RPS6KA2: variants seen among roughly 807,000 people sequenced by gnomAD.
RPS6KA2 encodes the protein ribosomal protein S6 kinase A2.
In RPS6KA2, 42 loss-of-function variants were observed where a neutral mutation model predicts 91.8. The observed-to-expected ratio is 0.46, with a 90% CI of 0.36 to 0.59. RPS6KA2 has a LOEUF of 0.59. Ranked by LOEUF, RPS6KA2 falls within the 20% of genes least tolerant of loss-of-function variation. The probability of loss-of-function intolerance (pLI) is 0.00; values close to 1 mark genes in which losing one functional copy is unlikely to be tolerated. For missense variants in RPS6KA2, 798 were observed against 978.5 expected, an observed-to-expected ratio of 0.82 and a Z score of 2.46; for synonymous variants, 414 against 393.6, an observed-to-expected ratio of 1.05 and a Z score of -0.61.
At chr6:166,837,511 C>A (rs1427820135) in intron 2 of RPS6KA2, among the ~76,000 whole-genome samples, 1 of 152,226 alleles carries the variant, frequency 6.6e-6, no homozygotes, top group Non-Finnish European at 1.5e-5. Flanking sequence ...TGTCTGTCCA[C>A]CTGAGGGCTC....
At chr6:166,833,532 T>C (rs1780239108) in intron 2 of RPS6KA2, among the ~76,000 whole-genome samples, 2 of 152,192 alleles carry the variant, frequency 1.3e-5, no homozygotes. Context: ...CCCTAAACGC[T>C]TCCCTCATGT....
chr6:166,562,832 T>A (rs972219557), intron 1 of RPS6KA2, among the ~76,000 whole-genome samples: 43 of 152,308 alleles, frequency 2.8e-4, no homozygotes, highest in African/African-American at 9.9e-4. Flanking sequence ...GGCTGGGGGC[T>A]TTGCAGACGA....
Position 166,726,431 on chromosome 6 carries a change from C to T in RPS6KA2, c.123+131769G>A, listed in dbSNP as rs1425262624. 6.6e-6 allele frequency among the ~76,000 whole-genome samples: 1 copy of T among 152,210 alleles called. No homozygotes were observed. The highest frequency in any genetic ancestry group is 2.4e-5 in the African/African-American group (1 of 41,442). On this transcript the variant is annotated intron_variant, in intron 2 of 21. Transcript: ENST00000503859. This position sits in a 1 kb window ranked among gnomAD's most constrained non-coding sequence, Gnocchi z 4.4. The stretch of plus-strand genomic sequence containing the variant: ...CACTTAGCAAACTCTTAGTCACCTC[C>T]CGAGAGCCCAGACCCTGTAGCAGAG...
At chr6:166,504,812 A>G (rs1008683825) in intron 5 of RPS6KA2, among the ~76,000 whole-genome samples, 200 bp from the exon 6 acceptor site, 1 of 152,078 alleles carries the variant, frequency 6.6e-6, no homozygotes. Context: ...AGATCAGTGG[A>G]TGGAGACGAG....
intron 2 of RPS6KA2, among the ~76,000 whole-genome samples, chr6:166,654,803 C>A (rs887097436): frequency 6.6e-6 from 1 of 152,144 alleles, no homozygotes; most frequent in Non-Finnish European, 1.5e-5. Flanking sequence ...CGTTAGGAGA[C>A]CTGTCATGTC....
chr6:166,451,332 CGT>C (rs10663984), intron 12 of RPS6KA2, 99 bp from the exon 13 acceptor site: 69,896 of 893,402 alleles, frequency 0.078, 103 homozygotes, highest in East Asian at 0.089. Context: ...TGTGCAAGTC[CGT>C]GTGTGTGTGT....
At chr6:166,862,535 A>T (rs1781072605) in exon 1 of RPS6KA2, 1 of 324,800 alleles carries the variant, frequency 3.1e-6, no homozygotes, top group Non-Finnish European at 5.5e-6. Context: ...TAAACGCTGC[A>T]CTTGCAGCTT....
chr6:166,592,493 G>C (rs535428907), intron 1 of RPS6KA2, among the ~76,000 whole-genome samples: 1 of 152,320 alleles, frequency 6.6e-6, no homozygotes, highest in East Asian at 1.9e-4. Flanking sequence ...AATAAGTGAG[G>C]AGCTGGAATG....
intron 2 of RPS6KA2, among the ~76,000 whole-genome samples, chr6:166,748,362 T>C (rs1791090943): frequency 6.6e-6 from 1 of 152,104 alleles, no homozygotes; most frequent in South Asian, 2.1e-4. Context: ...TGGGTGTTTC[T>C]GCGGTGTCTT....
At chr6:166,528,400 C>G (rs1196124226) in intron 3 of RPS6KA2, among the ~76,000 whole-genome samples, 2 of 151,896 alleles carry the variant, frequency 1.3e-5, no homozygotes, top group South Asian at 4.2e-4. Context: ...CTTCCTTACA[C>G]CTTATACAAA....
At chr6:166,621,268 T>C (rs1786618470) in intron 1 of RPS6KA2, among the ~76,000 whole-genome samples, 2 of 152,210 alleles carry the variant, frequency 1.3e-5, no homozygotes, top group Non-Finnish European at 2.9e-5. Context: ...TAATAAATCC[T>C]AGGTGTATGG....
chr6:166,507,981 C>T (rs1297381179), intron 5 of RPS6KA2, among the ~76,000 whole-genome samples: 5 of 149,076 alleles, frequency 3.4e-5, no homozygotes, highest in Admixed American at 1.3e-4. Context: ...CATGCAGTCT[C>T]GCAACCCCCC....
At chr6:166,679,827 G>T (rs1017089088) in intron 2 of RPS6KA2, among the ~76,000 whole-genome samples, 2 of 152,196 alleles carry the variant, frequency 1.3e-5, no homozygotes, top group Non-Finnish European at 2.9e-5. Flanking sequence ...CCAGGTGAGC[G>T]CGGCTCGGCA....
At chr6:166,531,095 A>G in intron 3 of RPS6KA2, 137 bp downstream of exon 3, 1 of 694,152 alleles carries the variant, frequency 1.4e-6, no homozygotes, top group South Asian at 1.7e-5. Context: ...GTTTATTATC[A>G]ATCAGAGAGT....
intron 2 of RPS6KA2, among the ~76,000 whole-genome samples, chr6:166,823,434 A>T (rs1468924070): frequency 1.4e-5 from 2 of 148,092 alleles, no homozygotes; most frequent in East Asian, 2.0e-4. Context: ...TTGGTTTTGC[A>T]GTGTGTGTGT....
intron 3 of RPS6KA2, among the ~76,000 whole-genome samples, chr6:166,516,354 C>A (rs1583229544): frequency 1.3e-5 from 2 of 152,012 alleles, no homozygotes; most frequent in African/African-American, 4.8e-5. Context: ...AGATTTCTCT[C>A]AAAGTAAAAG....
chr6:166,578,023 T>C (rs1015758118), intron 1 of RPS6KA2, among the ~76,000 whole-genome samples: 1 of 152,182 alleles, frequency 6.6e-6, no homozygotes, highest in Admixed American at 6.5e-5. Context: ...TTTCTCATTT[T>C]CTCTTGCTGC....
At chr6:166,450,988 G>A (rs987006115) in intron 13 of RPS6KA2, 115 bp downstream of exon 13, 31 of 1,233,872 alleles carry the variant, frequency 2.5e-5, no homozygotes, top group Non-Finnish European at 3.6e-5. Flanking sequence ...GGTGATTAAA[G>A]TCCACCCATC....
At chr6:166,738,629 C>T (rs908091402) in intron 2 of RPS6KA2, among the ~76,000 whole-genome samples, 1 of 152,152 alleles carries the variant, frequency 6.6e-6, no homozygotes, top group Non-Finnish European at 1.5e-5. Flanking sequence ...TGGCCCTGGA[C>T]ATGTTACCAG....
Sources: gnomAD v4.1 joint callset for allele counts (sites outside exome capture counted in the v4.1 genomes callset) on GRCh38, gnomAD v4.1.1 for gene constraint, Gnocchi (gnomAD v3.1) non-coding constraint, MANE v1.5 for transcripts, NCBI Gene and HGNC (gene_info 2026-07-23, HGNC 2026-07-21) for gene names.